Variants in ANKRD54 observed in about 807,000 individuals in gnomAD.
The protein encoded by ANKRD54 is ankyrin repeat domain-containing protein 54.
ANKRD54 carries 26 observed loss-of-function variants against 36.2 expected under a neutral mutation model. The ratio of observed to expected loss-of-function variants is 0.72; its 90% CI spans 0.53 to 1.00. The LOEUF (loss-of-function observed/expected upper bound fraction) is 1.00, where lower values mean the gene tolerates loss of function less well. ANKRD54 is among the 50% of genes least tolerant of loss of function. The probability of loss-of-function intolerance (pLI) is 0.00; values close to 1 mark genes in which losing one functional copy is unlikely to be tolerated. For missense variants in ANKRD54, 384 were observed against 424.3 expected (o/e 0.91, Z 0.83); for synonymous variants, 209 against 188.4 (o/e 1.11, Z -0.89).
At chr22:37,847,771 G>T, upstream of ANKRD54, 1 of 436,644 alleles carries the variant, frequency 2.3e-6, no homozygotes, top group Non-Finnish European at 4.7e-6. Flanking sequence ...ATCGAGGGTC[G>T]GTAAAGCTTA....
intron 3 of ANKRD54, among the ~76,000 whole-genome samples, chr22:37,836,931 A>T (rs1241551368): frequency 1.3e-5 from 2 of 151,814 alleles, no homozygotes; most frequent in Non-Finnish European, 2.9e-5. Flanking sequence ...CGGGAGGCTG[A>T]AGCAGGAGAA....
In ANKRD54 at chr22:37,844,308, C is replaced by G. The variant is rs532233362; in HGVS notation, c.-70G>C. The G allele has an allele frequency of 1.1e-5, 16 of 1,477,604 alleles. No individual in the cohort carries two copies. In the South Asian group the frequency reaches 1.6e-4, roughly 15 times the overall value. 91.5% of individuals were successfully genotyped at this position (1,477,604 alleles called of 1,614,324 possible). A position where few individuals can be genotyped will look rare whatever the true frequency, so the allele number is the denominator to read the frequency against. On this transcript the variant is annotated 5_prime_UTR_variant, in exon 1 of 8. Coordinates refer to ENST00000215941, the MANE Select transcript of ANKRD54 (RefSeq NM_138797.4). ...ACCGACCAACGGACCTACTTCCCTC[C>G]GCCCTGAGTCGTGCTGTCAGCGAGC... is the stretch of plus-strand genomic sequence containing the variant.
Position 37,831,999 on chromosome 22 carries a change from G to A in ANKRD54, c.847C>T (p.Leu283Phe). The stretch of plus-strand genomic sequence containing the variant: ...CTGAGGGAGGTGAAGCTGGCCAGGA[G>A]GTCAGTCACTTCATCCACCTGCAGG... ...TKEQVDEVTDLLASFTSLSLQ... is the reference protein window; with the variant it reads ...TKEQVDEVTDFLASFTSLSLQ... The change falls in exon 8 of 8, where the codon CTC becomes TTC. Residue 283 changes from leucine (L) to phenylalanine (F), a missense_variant. Physicochemically the swap from Leu to Phe is conservative, Grantham distance 22 (BLOSUM62 0). Around this residue, in one of 3 missense-constraint regions of ANKRD54, gnomAD observed 179 missense variants for 224.0 expected, o/e 0.80. Transcript: ENST00000215941. 1 of 1,613,406 alleles carries A rather than the reference G, an allele frequency of 6.2e-7. No homozygotes were observed. Among genetic ancestry groups the A allele is most frequent in the African/African-American group, 1.3e-5 (1 of 75,034 alleles).
At position 37,833,711 on chromosome 22, in the gene ANKRD54, C is replaced by T. The variant is rs1240557566; in HGVS notation, c.520G>A (p.Gly174Arg). 2 of 1,614,164 alleles carry T rather than the reference C, an allele frequency of 1.2e-6. No individual in the cohort carries two copies. The highest frequency in any genetic ancestry group is 3.3e-5 in the Admixed American group (2 of 60,018). The part of the protein sequence containing the change: ...DHGADPNQRD[G>R]LGNTPLHLAA... ...AGGTGCAGTGGCGTGTTCCCCAGCC[C>T]ATCTCGCTGGTTAGGATCAGCACCA... The change falls in exon 4 of 8, where the codon GGG (glycine) becomes AGG (arginine). Residue 174 changes from glycine (G) to arginine (R), a missense_variant. Gly to Arg is a moderately radical substitution (Grantham distance 125). Coordinates refer to ENST00000215941, the MANE Select transcript of ANKRD54 (RefSeq NM_138797.4).
chr22:37,842,383 T>C (rs757718921), intron 1 of ANKRD54, among the ~76,000 whole-genome samples: 3 of 152,204 alleles, frequency 2.0e-5, no homozygotes, highest in Non-Finnish European at 4.4e-5. Flanking sequence ...CTCTATCACT[T>C]GTAGTCACAG....
chr22:37,840,255 G>A (rs1415105890), intron 1 of ANKRD54, 21 bp from the exon 2 acceptor site: 4 of 1,613,304 alleles, frequency 2.5e-6, no homozygotes, highest in Non-Finnish European at 3.4e-6. Context: ...AGTAACGGAT[G>A]CCAGTTTAAA....
upstream of ANKRD54, among the ~76,000 whole-genome samples, chr22:37,845,431 G>A (rs1046124748): frequency 6.6e-6 from 1 of 152,208 alleles, no homozygotes; most frequent in Non-Finnish European, 1.5e-5. Flanking sequence ...CTATAAAGTA[G>A]ACAAGAAGGA....
Position 37,833,089 on chromosome 22 carries a change from G to A in ANKRD54, c.596-7C>T, listed in dbSNP as rs2145956963. On this transcript the variant is annotated splice_region_variant and splice_polypyrimidine_tract_variant and intron_variant, in intron 5 of 7. Transcript: ENST00000215941. ...AGGGCATCTACACGGGCCCCTGCAG[G>A]TACCAGCTGAGGTGAGCATTCTGGG... 3 of 1,614,108 alleles carry A rather than the reference G, an allele frequency of 1.9e-6. No homozygotes were observed. The highest frequency in any genetic ancestry group is 2.5e-6 in the Non-Finnish European group (3 of 1,180,002).
upstream of ANKRD54, chr22:37,849,270 G>C (rs1022186858): frequency 1.3e-6 from 1 of 755,260 alleles, no homozygotes; most frequent in Non-Finnish European, 2.3e-6. Context: ...GGGGTTACAG[G>C]TGTGAGCCAC....
At chr22:37,838,436 C>T in intron 3 of ANKRD54, 64 bp downstream of exon 3, 1 of 1,499,740 alleles carries the variant, frequency 6.7e-7, no homozygotes, top group South Asian at 1.2e-5. Flanking sequence ...CAGCGCCTCC[C>T]CCAAGGCCTG....
rs1363413678 is a variant in ANKRD54, at chr22:37,833,881, T to G, written c.476-126A>C. The G allele has an allele frequency of 1.0e-5, 8 of 788,216 alleles. No homozygotes were observed. The East Asian group carries it at 2.2e-4, about 21-fold the overall frequency. 48.8% of individuals were successfully genotyped at this position (788,216 alleles called of 1,614,324 possible). A position where few individuals can be genotyped will look rare whatever the true frequency, so the allele number is the denominator to read the frequency against. On this transcript the variant is annotated intron_variant, in intron 3 of 7. Transcript: ENST00000215941. The stretch of plus-strand genomic sequence containing the variant: ...GGAATGCAAGCATGGATGGCTGTGT[T>G]ACTTCATTCATTCACTCACTCACTC...
chr22:37,838,923 G>A (rs554264862), intron 2 of ANKRD54, among the ~76,000 whole-genome samples: 17 of 152,214 alleles, frequency 1.1e-4, no homozygotes, highest in Admixed American at 4.6e-4. Context: ...CCGTGACCTC[G>A]GCTTGGATAC....
chr22:37,832,844 CAG>C, intron 6 of ANKRD54, 100 bp from the exon 7 acceptor site: 1 of 1,602,136 alleles, frequency 6.2e-7, no homozygotes, highest in Non-Finnish European at 8.5e-7. Context: ...CAACTGGGGT[CAG>C]TGTGAAACAA....
chr22:37,832,044 ATGGGACACGGGG>A, intron 7 of ANKRD54, 27 bp from the exon 8 acceptor site: 3 of 1,602,560 alleles, frequency 1.9e-6, no homozygotes, highest in Non-Finnish European at 1.7e-6. Context: ...AGGCTCTGTT[ATGGGACACGGGG>A]TGTGCCAGGG....
At chr22:37,840,097 A>G in intron 2 of ANKRD54, 90 bp downstream of exon 2, 3 of 1,470,050 alleles carry the variant, frequency 2.0e-6, no homozygotes. Flanking sequence ...GTGAGTTTGC[A>G]GACTGCCTTC....
chr22:37,832,099 A>T (rs1232303498), intron 7 of ANKRD54, 82 bp from the exon 8 acceptor site: 1 of 1,339,022 alleles, frequency 7.5e-7, no homozygotes, highest in East Asian at 2.5e-5. Context: ...CCACAGGCAC[A>T]GAACACAGGC....
chr22:37,833,121 G>A lies in ANKRD54; in HGVS notation c.595+38C>T, dbSNP rs780130290. ...CTGAGGTGAGCATTCTGGGGGTGAGGGGGAGAAAGAGGACAGAGAGGGGAA... is the reference window on the plus strand; with the variant it reads ...CTGAGGTGAGCATTCTGGGGGTGAGAGGGAGAAAGAGGACAGAGAGGGGAA... On this transcript the variant is annotated intron_variant, in intron 5 of 7. Coordinates refer to ENST00000215941, the MANE Select transcript of ANKRD54 (RefSeq NM_138797.4). The A allele has an allele frequency of 6.5e-5, 105 of 1,614,050 alleles. 3 individuals carry two copies. The South Asian group carries it at 1.1e-3, about 17-fold the overall frequency.
chr22:37,833,777 A>G (rs1923194139), intron 3 of ANKRD54, 22 bp from the exon 4 acceptor site: 1 of 1,612,492 alleles, frequency 6.2e-7, no homozygotes, highest in Middle Eastern at 1.7e-4. Context: ...CAAACCCAAG[A>G]GGAGTTGTCG....
rs775306116 is a variant in ANKRD54, at chr22:37,844,253, G to C, written c.-15C>G. The C allele has an allele frequency of 1.9e-5, 30 of 1,545,390 alleles. No individual in the cohort carries two copies. Among genetic ancestry groups the C allele is most frequent in the Non-Finnish European group, 2.5e-5 (29 of 1,155,106 alleles). ...GCGGCTGCCATGGCAACGGCTCCGC[G>C]CGGGCCTGGCCGCCTGAGCCTCGTT... is the stretch of plus-strand genomic sequence containing the variant. On this transcript the variant is annotated 5_prime_UTR_variant, in exon 1 of 8. Coordinates refer to ENST00000215941, the MANE Select transcript of ANKRD54 (RefSeq NM_138797.4).
Sources: gnomAD v4.1 joint callset for allele counts (sites outside exome capture counted in the v4.1 genomes callset) on GRCh38, gnomAD v4.1.1 for gene constraint, gnomAD v4.1.1 regional missense constraint, MANE v1.5 for transcripts, NCBI Gene and HGNC (gene_info 2026-07-23, HGNC 2026-07-21) for gene names.